PDSS2: variants seen among roughly 807,000 people sequenced by gnomAD.
PDSS2 encodes the protein all trans-polyprenyl-diphosphate synthase PDSS2.
Under a neutral mutation model 44.5 loss-of-function variants are expected in PDSS2, and 31 were observed. The ratio of observed to expected loss-of-function variants is 0.70; its 90% confidence interval spans 0.52 to 0.94. The LOEUF (loss-of-function observed/expected upper bound fraction) is 0.94, where lower values mean the gene tolerates loss of function less well. Among genes scored for constraint, PDSS2 ranks in the 40% least tolerant of loss-of-function variants. The pLI, the probability that PDSS2 is intolerant of heterozygous loss-of-function variation, is 0.00. For missense variants in PDSS2, 452 were observed against 482.2 expected (o/e 0.94, Z 0.59); for synonymous variants, 157 against 180.3 (o/e 0.87, Z 1.03).
chr6:107,263,313 C>T (rs1413680245), intron 3 of PDSS2, among the ~76,000 whole-genome samples: 3 of 152,062 alleles, frequency 2.0e-5, no homozygotes, highest in South Asian at 2.1e-4. Context: ...ATTAGCCAGG[C>T]ATGGTGGCAG....
intron 2 of PDSS2, among the ~76,000 whole-genome samples, chr6:107,308,208 T>G (rs1015982516): frequency 3.9e-5 from 6 of 152,188 alleles, no homozygotes; most frequent in South Asian, 2.1e-4. Context: ...TACTCCTGAG[T>G]TAATTAATGA....
intron 1 of PDSS2, among the ~76,000 whole-genome samples, chr6:107,404,651 T>C (rs751922990): frequency 6.6e-6 from 1 of 152,140 alleles, no homozygotes; most frequent in Non-Finnish European, 1.5e-5. Flanking sequence ...CCATCAGATC[T>C]TGTGAGAACT....
chr6:107,161,808 C>T (rs1477132739), intron 7 of PDSS2, among the ~76,000 whole-genome samples: 1 of 152,192 alleles, frequency 6.6e-6, no homozygotes, highest in African/African-American at 2.4e-5. Context: ...CATAGATTCT[C>T]TACCTAGATT....
At chr6:107,455,703 G>A (rs544722585) in intron 1 of PDSS2, among the ~76,000 whole-genome samples, 11 of 133,142 alleles carry the variant, frequency 8.3e-5, no homozygotes, top group African/African-American at 1.7e-4. Context: ...GCAGTGAGCC[G>A]AGATCAGGCC....
intron 7 of PDSS2, among the ~76,000 whole-genome samples, chr6:107,168,048 T>C (rs1191133354): frequency 2.0e-5 from 3 of 152,112 alleles, no homozygotes; most frequent in Non-Finnish European, 2.9e-5. Context: ...CTTTCTGTCT[T>C]GTTGATCTGT....
At chr6:107,263,437 A>G (rs927713888) in intron 3 of PDSS2, among the ~76,000 whole-genome samples, 6 of 151,486 alleles carry the variant, frequency 4.0e-5, no homozygotes, top group Admixed American at 1.3e-4. Context: ...TGGGTGACAG[A>G]GCAAGACTGA....
rs980862071 is a variant in PDSS2 at position 107,153,917 on chromosome 6, A to C, written c.*702T>G. 6.6e-6 allele frequency: 1 copy of C among 152,584 alleles called. No individual in the cohort carries two copies. Among genetic ancestry groups the C allele is most frequent in the Admixed American group, 6.5e-5 (1 of 15,298 alleles). 9.5% of individuals were successfully genotyped at this position (152,584 alleles called of 1,614,324 possible). The stretch of plus-strand genomic sequence containing the variant: ...ATAGTGAAACCCCATCTCTACTAAA[A>C]ATACAAAATTAGCCAGGCGTGGTGG... On this transcript the variant is annotated 3_prime_UTR_variant, in exon 8 of 8. Transcript: ENST00000369037.
rs965875221 is a variant in PDSS2, at chr6:107,195,454, C to T, written c.1009-1600G>A. On this transcript the variant is annotated intron_variant, in intron 6 of 7. Coordinates refer to ENST00000369037, the MANE Select transcript of PDSS2 (RefSeq NM_020381.4). ...CCATAGTTGCACCACTACACTCCAACCTGGGTGACAGAGTGAGATCCTGTC... is the reference window on the plus strand; with the variant it reads ...CCATAGTTGCACCACTACACTCCAATCTGGGTGACAGAGTGAGATCCTGTC... 2.1e-5 allele frequency among the ~76,000 whole-genome samples: 3 copies of T among 144,336 alleles called. No homozygotes were observed. The Admixed American group carries it at 2.1e-4, about 10-fold the overall frequency. The allele number at this position is 144,336 out of a possible 152,430, so 94.7% of individuals were successfully genotyped here. A position where few individuals can be genotyped will look rare whatever the true frequency, so the allele number is the denominator to read the frequency against.
In PDSS2 at chr6:107,357,590, A is replaced by G. The variant is rs1778631308; in HGVS notation, c.297-23258T>C. 2.6e-5 allele frequency among the ~76,000 whole-genome samples: 4 copies of G among 152,270 alleles called. No homozygotes were observed. The South Asian group carries it at 8.3e-4, about 32-fold the overall frequency. The stretch of plus-strand genomic sequence containing the variant: ...ACTAAATTTTTATTCAAATGTAAAC[A>G]AATAATGACACAAACATGCATCCAT... On this transcript the variant is annotated intron_variant, in intron 1 of 7. Coordinates refer to ENST00000369037, the MANE Select transcript of PDSS2 (RefSeq NM_020381.4).
chr6:107,263,669 T>A (rs1775321387), intron 3 of PDSS2, among the ~76,000 whole-genome samples: 1 of 152,232 alleles, frequency 6.6e-6, no homozygotes, highest in African/African-American at 2.4e-5. Flanking sequence ...TTAAAATTCG[T>A]CTTATTTCTA....
chr6:107,391,241 G>C (rs749339889), intron 1 of PDSS2, among the ~76,000 whole-genome samples: 126 of 151,976 alleles, frequency 8.3e-4, no homozygotes, highest in Non-Finnish European at 1.8e-4. Context: ...CCACAACACT[G>C]TATCTACAGC....
At chr6:107,429,459 G>C (rs1781102340) in intron 1 of PDSS2, among the ~76,000 whole-genome samples, 1 of 152,130 alleles carries the variant, frequency 6.6e-6, no homozygotes, top group African/African-American at 2.4e-5. Flanking sequence ...CTTGCTTTTA[G>C]TCCATAAAGC....
At chr6:107,170,436 A>G (rs148166149) in intron 7 of PDSS2, among the ~76,000 whole-genome samples, 4 of 152,238 alleles carry the variant, frequency 2.6e-5, no homozygotes, top group South Asian at 4.2e-4. Flanking sequence ...GGGTGAGGCA[A>G]TGCCGCACCC....
chr6:107,302,690 A>T lies in PDSS2; in HGVS notation c.432-28463T>A, dbSNP rs182033341. Among the ~76,000 whole-genome samples, 8 of 152,276 alleles carry T rather than the reference A, an allele frequency of 5.3e-5. No homozygotes were observed. The East Asian group carries it at 1.5e-3, about 29-fold the overall frequency. On this transcript the variant is annotated intron_variant, in intron 2 of 7. Transcript: ENST00000369037. Reference sequence around the variant, plus strand: ...ATTATTTAATGGCCTACTTTAAAAAATATCATATAAGTCATATGAGAGTAT... The same window carrying T: ...ATTATTTAATGGCCTACTTTAAAAATTATCATATAAGTCATATGAGAGTAT...
At chr6:107,168,801 G>T (rs1554248002) in intron 7 of PDSS2, among the ~76,000 whole-genome samples, 1 of 152,006 alleles carries the variant, frequency 6.6e-6, no homozygotes, top group East Asian at 1.9e-4. Flanking sequence ...GTTGAATATT[G>T]CCCCCCACTC....
intron 4 of PDSS2, among the ~76,000 whole-genome samples, chr6:107,236,045 C>T (rs148842649): frequency 1.3e-5 from 2 of 152,102 alleles, no homozygotes; most frequent in East Asian, 1.9e-4. Context: ...ATCTTTTCCC[C>T]GTTTTATGAA....
At chr6:107,315,544 T>C (rs558450892) in intron 2 of PDSS2, among the ~76,000 whole-genome samples, 4 of 152,310 alleles carry the variant, frequency 2.6e-5, no homozygotes, top group Non-Finnish European at 5.9e-5. Context: ...TGAACACTTA[T>C]TGAGTGCTGT....
At chr6:107,187,066 T>C (rs12199523) in intron 7 of PDSS2, among the ~76,000 whole-genome samples, 23,248 of 152,114 alleles carry the variant, frequency 0.15, 2,340 homozygotes, top group Non-Finnish European at 0.21. Flanking sequence ...GAGTAGACTT[T>C]AGGTCATGAG....
intron 2 of PDSS2, among the ~76,000 whole-genome samples, chr6:107,304,277 T>C (rs1776786721): frequency 6.6e-6 from 1 of 152,236 alleles, no homozygotes; most frequent in Non-Finnish European, 1.5e-5. Context: ...GAATCTGAAA[T>C]TCAGGGTTAT....
Sources: allele counts gnomAD v4.1 joint callset (sites outside exome capture counted in the v4.1 genomes callset), GRCh38; gene constraint gnomAD v4.1.1; transcripts MANE v1.5; gene names NCBI Gene and HGNC (gene_info 2026-07-23, HGNC 2026-07-21).